The following AFF3 variants were observed in gnomAD, a reference collection of about 807,000 sequenced individuals.
The protein encoded by AFF3 is AF4/FMR2 family member 3.
In AFF3, 32 loss-of-function variants were observed where a neutral mutation model predicts 129.7. The ratio of observed to expected loss-of-function variants is 0.25; its 90% CI spans 0.19 to 0.33. AFF3 has a LOEUF of 0.33. Among genes scored for constraint, AFF3 ranks in the 10% least tolerant of loss-of-function variants. The pLI is 1.00. For missense variants in AFF3, 1,373 were observed against 1,592.0 expected (o/e 0.86, Z 2.34); for synonymous variants, 644 against 635.4 (o/e 1.01, Z -0.20).
chr2:99,869,322 G>T (rs907596516), intron 7 of AFF3, among the ~76,000 whole-genome samples: 4 of 149,978 alleles, frequency 2.7e-5, no homozygotes, highest in Non-Finnish European at 5.9e-5. Flanking sequence ...TAATATTACA[G>T]TACTTCTTAA....
At chr2:100,132,671 T>C (rs1183276035) in intron 1 of AFF3, among the ~76,000 whole-genome samples, 1 of 152,200 alleles carries the variant, frequency 6.6e-6, no homozygotes, top group East Asian at 1.9e-4. Context: ...CGCTGTCCAC[T>C]ATGGTAACCA....
Position 99,844,434 on chromosome 2 carries a change from C to CTTTTTTTTTTTTT in AFF3, c.874-6923_874-6911dup, listed in dbSNP as rs984233053. 6.5e-5 allele frequency among the ~76,000 whole-genome samples: 6 copies of CTTTTTTTTTTTTT among 92,466 alleles called. 2 individuals carry two copies. The highest frequency in any genetic ancestry group is 3.2e-4 in the Admixed American group (2 of 6,264). The allele number at this position is 92,466 out of a possible 152,430, so 60.7% of individuals were successfully genotyped here. On this transcript the variant is annotated intron_variant, in intron 7 of 24. Coordinates refer to ENST00000672756, the MANE Select transcript of AFF3 (RefSeq NM_001386135.1). ...CAATACGAGAACTATTTTTTCTTTT[C>CTTTTTTTTTTTTT]TTTTTTTTTTTTTTTTTTTTTGAGA...
chr2:99,732,756 G>C (rs1297710674), intron 10 of AFF3, among the ~76,000 whole-genome samples: 2 of 152,006 alleles, frequency 1.3e-5, no homozygotes, highest in Admixed American at 1.3e-4. Flanking sequence ...CTTCCATATG[G>C]CCAACTTTAG....
At chr2:99,617,739 G>A (rs1248518058) in intron 13 of AFF3, among the ~76,000 whole-genome samples, 1 of 152,100 alleles carries the variant, frequency 6.6e-6, no homozygotes, top group Non-Finnish European at 1.5e-5. Flanking sequence ...AAATATATAG[G>A]ATTCTTTAAC....
At chr2:99,812,989 G>A (rs1686912654) in intron 8 of AFF3, among the ~76,000 whole-genome samples, 1 of 151,856 alleles carries the variant, frequency 6.6e-6, no homozygotes, top group Non-Finnish European at 1.5e-5. Context: ...TTCTCGCAGT[G>A]CAGGCATTTT....
At position 99,889,097 on chromosome 2, in the gene AFF3, C is replaced by T. The variant is rs150129705; in HGVS notation, c.874-51573G>A. ...CCTAGAAATAAAAGCACTGATTTAT[C>T]AATTCTTTCTTTTTCTTATATTCTA... is the stretch of plus-strand genomic sequence containing the variant. On this transcript the variant is annotated intron_variant, in intron 7 of 24. Transcript: ENST00000672756. Among the ~76,000 whole-genome samples, 100 of 152,288 alleles carry T rather than the reference C, an allele frequency of 6.6e-4. 2 individuals are homozygous for T. The East Asian group carries it at 0.018, about 27-fold the overall frequency.
chr2:99,974,823 C>T (rs996129624), intron 7 of AFF3, among the ~76,000 whole-genome samples: 4 of 152,102 alleles, frequency 2.6e-5, no homozygotes, highest in African/African-American at 7.2e-5. Context: ...CCACTGGTGC[C>T]CATGGAGAAT....
intron 11 of AFF3, among the ~76,000 whole-genome samples, chr2:99,703,578 C>T (rs989217197): frequency 3.3e-5 from 5 of 151,786 alleles, no homozygotes; most frequent in African/African-American, 9.7e-5. Flanking sequence ...TAATTATTGA[C>T]GTGTTAGGAT....
intron 7 of AFF3, among the ~76,000 whole-genome samples, chr2:99,850,197 C>T (rs570395671): frequency 1.3e-5 from 2 of 152,290 alleles, no homozygotes; most frequent in East Asian, 1.9e-4. Flanking sequence ...AGCCTCCTCC[C>T]CTCTTCCTAC....
At chr2:99,746,320 A>AG (rs34946192) in intron 9 of AFF3, among the ~76,000 whole-genome samples, 112,069 of 151,968 alleles carry the variant, frequency 0.74, 42,168 homozygotes, top group East Asian at 0.92. Flanking sequence ...CCACGAGTAT[A>AG]GCTGTTATGG....
At chr2:99,625,956 G>C (rs1234933067) in intron 13 of AFF3, among the ~76,000 whole-genome samples, 1 of 152,128 alleles carries the variant, frequency 6.6e-6, no homozygotes, top group Non-Finnish European at 1.5e-5. Context: ...GAATTCTCAA[G>C]TGGCCACATG....
intron 2 of AFF3, among the ~76,000 whole-genome samples, chr2:100,126,644 T>C (rs1257902153): frequency 6.6e-6 from 1 of 152,226 alleles, no homozygotes; most frequent in Non-Finnish European, 1.5e-5. Context: ...CACTAATCTT[T>C]AATACTTGTC....
chr2:99,950,204 A>G (rs1052563617), intron 7 of AFF3, among the ~76,000 whole-genome samples: 3 of 152,200 alleles, frequency 2.0e-5, no homozygotes. Context: ...TATATAATTA[A>G]TTGTGCAGAA....
intron 2 of AFF3, among the ~76,000 whole-genome samples, chr2:100,119,538 G>A (rs944619272): frequency 5.9e-5 from 9 of 152,200 alleles, no homozygotes; most frequent in Non-Finnish European, 7.3e-5. Context: ...ATTCTTGGCC[G>A]ACTTTGCAAA....
At chr2:99,755,003 C>T (rs193232081) in intron 8 of AFF3, among the ~76,000 whole-genome samples, 1 of 152,226 alleles carries the variant, frequency 6.6e-6, no homozygotes, top group East Asian at 1.9e-4. Context: ...CCATTTCTTT[C>T]TTTCTTCCTT....
chr2:100,007,124 C>T, intron 6 of AFF3, 24 bp downstream of exon 6: 2 of 1,607,390 alleles, frequency 1.2e-6, no homozygotes, highest in South Asian at 2.2e-5. Flanking sequence ...TTGTGCAAAT[C>T]AAGCAACCTG....
chr2:99,616,903 A>C (rs1193998638), intron 13 of AFF3, among the ~76,000 whole-genome samples: 1 of 152,198 alleles, frequency 6.6e-6, no homozygotes, highest in African/African-American at 2.4e-5. Context: ...ACATGGAATG[A>C]TGTAAGTATG....
At chr2:99,692,008 C>A (rs1263764106) in intron 11 of AFF3, among the ~76,000 whole-genome samples, 2 of 152,218 alleles carry the variant, frequency 1.3e-5, no homozygotes, top group Non-Finnish European at 2.9e-5. Flanking sequence ...CATTTCTGAA[C>A]AGCCTTCTCC....
At chr2:99,855,689 T>A (rs1319042955) in intron 7 of AFF3, among the ~76,000 whole-genome samples, 1 of 152,134 alleles carries the variant, frequency 6.6e-6, no homozygotes, top group Non-Finnish European at 1.5e-5. Flanking sequence ...TTAAAATAAT[T>A]TACGTAGCTA....
Sources: gnomAD v4.1 joint callset for allele counts (sites outside exome capture counted in the v4.1 genomes callset) on GRCh38, gnomAD v4.1.1 for gene constraint, MANE v1.5 for transcripts, NCBI Gene and HGNC (gene_info 2026-07-23, HGNC 2026-07-21) for gene names.